MARK2: variants seen among roughly 807,000 people sequenced by gnomAD.
MARK2 encodes the protein microtubule affinity regulating kinase 2, also known as serine/threonine-protein kinase MARK2.
MARK2 carries 16 observed loss-of-function variants against 89.8 expected under a neutral mutation model. The ratio of observed to expected loss-of-function variants is 0.18; its 90% confidence interval spans 0.12 to 0.27. The LOEUF (loss-of-function observed/expected upper bound fraction) is 0.27, where lower values mean the gene tolerates loss of function less well. Ranked by LOEUF, MARK2 falls within the 10% of genes least tolerant of loss-of-function variation. The probability of loss-of-function intolerance (pLI) is 1.00; values close to 1 mark genes in which losing one functional copy is unlikely to be tolerated. For synonymous variants in MARK2, 382 were observed against 399.5 expected (o/e 0.96, Z 0.52); for missense variants, 621 against 1,049.9 (o/e 0.59, Z 5.65).
chr11:63,867,989 G>T (rs1413909350), intron 1 of MARK2, among the ~76,000 whole-genome samples: 2 of 152,190 alleles, frequency 1.3e-5, no homozygotes, highest in African/African-American at 4.8e-5. Flanking sequence ...TTGAAGGCTG[G>T]ACTGTATCTT....
intron 1 of MARK2, among the ~76,000 whole-genome samples, chr11:63,855,279 G>T (rs1424545766): frequency 6.6e-6 from 1 of 152,190 alleles, no homozygotes; most frequent in Non-Finnish European, 1.5e-5. Context: ...AGCACTTTGG[G>T]AAGCTGAGGA....
chr11:63,882,359 G>A (rs952380349), intron 1 of MARK2, among the ~76,000 whole-genome samples: 6 of 151,948 alleles, frequency 3.9e-5, no homozygotes, highest in South Asian at 2.1e-4. Context: ...CGAGCTGGGC[G>A]GATCACCTGA....
intron 1 of MARK2, among the ~76,000 whole-genome samples, chr11:63,878,951 T>G (rs1938935310): frequency 6.6e-6 from 1 of 152,140 alleles, no homozygotes; most frequent in Admixed American, 6.5e-5. Flanking sequence ...TTTGGTAACT[T>G]GGGGATTTCT....
intron 1 of MARK2, among the ~76,000 whole-genome samples, chr11:63,885,720 G>A (rs1253787746): frequency 6.6e-6 from 1 of 152,072 alleles, no homozygotes; most frequent in Non-Finnish European, 1.5e-5. Context: ...TGTAATCCCA[G>A]CTATTTGGGA....
chr11:63,861,356 C>T (rs1937766970), intron 1 of MARK2, among the ~76,000 whole-genome samples: 1 of 152,066 alleles, frequency 6.6e-6, no homozygotes, highest in Non-Finnish European at 1.5e-5. Context: ...AATTGCTTGA[C>T]CCCGGGAGGT....
intron 1 of MARK2, among the ~76,000 whole-genome samples, chr11:63,890,957 A>G (rs558429898): frequency 6.6e-6 from 1 of 152,134 alleles, no homozygotes; most frequent in Non-Finnish European, 1.5e-5. Flanking sequence ...GTCTGGCAGT[A>G]TTGGCCACTG....
At chr11:63,868,827 C>T (rs1938283381) in intron 1 of MARK2, 1 of 456,042 alleles carries the variant, frequency 2.2e-6, no homozygotes, top group Non-Finnish European at 4.4e-6. Context: ...TGTCAGAAGG[C>T]TGGAGTTATT....
intron 3 of MARK2, among the ~76,000 whole-genome samples, chr11:63,897,344 C>T (rs1940497130): frequency 6.6e-6 from 1 of 152,238 alleles, no homozygotes; most frequent in Admixed American, 6.5e-5. Context: ...GTAAGGTCAG[C>T]ATTGGGTTCC....
rs1012419332 is a variant in MARK2 at position 63,909,499 on chromosome 11, T to TG, written c.*269dup. ...GGAGGCAAAGGAAGGGGAGGGTGGA[T>TG]GGGGGGGCAGGGCTCCCCCTCGGTA... On this transcript the variant is annotated 3_prime_UTR_variant, in exon 19 of 19. Transcript: ENST00000402010. 6.0e-5 allele frequency: 22 copies of TG among 364,970 alleles called. No homozygotes were observed. The highest frequency in any genetic ancestry group is 8.5e-5 in the African/African-American group (4 of 47,012). 22.6% of individuals were successfully genotyped at this position (364,970 alleles called of 1,614,324 possible).
At chr11:63,866,310 C>G (rs1237619757) in intron 1 of MARK2, among the ~76,000 whole-genome samples, 1 of 150,526 alleles carries the variant, frequency 6.6e-6, no homozygotes, top group African/African-American at 2.5e-5. Flanking sequence ...AGAGATTGTG[C>G]CACTTTACTC....
At chr11:63,867,839 C>T (rs750095960) in intron 1 of MARK2, among the ~76,000 whole-genome samples, 2 of 152,126 alleles carry the variant, frequency 1.3e-5, no homozygotes, top group Non-Finnish European at 2.9e-5. Context: ...CTCTCTTAGC[C>T]CACTGTTCCT....
chr11:63,842,541 A>G (rs1410161232), intron 1 of MARK2, among the ~76,000 whole-genome samples: 1 of 152,146 alleles, frequency 6.6e-6, no homozygotes, highest in East Asian at 1.9e-4. Flanking sequence ...AAAAAAGACA[A>G]GCAGCAGCTC....
In MARK2 at chr11:63,903,843, T is replaced by C. The variant is rs563528279; in HGVS notation, c.1515-143T>C. The C allele has an allele frequency of 2.5e-4, 155 of 619,056 alleles. 1 individual carries two copies. In the South Asian group the frequency reaches 3.3e-3, roughly 13 times the overall value. 38.3% of individuals were successfully genotyped at this position (619,056 alleles called of 1,614,324 possible). On this transcript the variant is annotated intron_variant, in intron 14 of 18. Transcript: ENST00000402010. The surrounding 1 kb of genome is among the most constrained non-coding windows in gnomAD (Gnocchi z 5.1). ...AGCCCCGCATTCCTCAGTTCTGACT[T>C]GCATCCCGCTGCTGCCCAGGCCTGA...
At chr11:63,840,353 C>T (rs1416663680) in intron 1 of MARK2, among the ~76,000 whole-genome samples, 1 of 152,166 alleles carries the variant, frequency 6.6e-6, no homozygotes, top group Non-Finnish European at 1.5e-5. Flanking sequence ...CCCTCTTGTT[C>T]TCTTCCCCTC....
chr11:63,884,391 C>T (rs898539803), intron 1 of MARK2, among the ~76,000 whole-genome samples: 22 of 152,012 alleles, frequency 1.4e-4, no homozygotes, highest in African/African-American at 5.3e-4. Context: ...CCTCTTATGC[C>T]ATGTCAGGTT....
At chr11:63,894,141 C>G (rs773138634) in intron 1 of MARK2, among the ~76,000 whole-genome samples, 12 of 152,208 alleles carry the variant, frequency 7.9e-5, no homozygotes. Context: ...TTTCATTGTA[C>G]AAGTATTCAT....
intron 1 of MARK2, among the ~76,000 whole-genome samples, chr11:63,892,543 A>C (rs1027325153): frequency 6.6e-6 from 1 of 151,344 alleles, no homozygotes; most frequent in Admixed American, 6.6e-5. Flanking sequence ...TTTCACTCAC[A>C]CTCCTCTGGT....
chr11:63,898,847 C>T lies in MARK2; in HGVS notation c.474+14C>T, dbSNP rs1565138097. On this transcript the variant is annotated intron_variant, in intron 6 of 18. Coordinates refer to ENST00000402010, the MANE Select transcript of MARK2 (RefSeq NM_001039469.3). ...AAATTCCGCCAGGTAGGTGTGACTC[C>T]CTCCATAGGAGCTAGGCCTGACCTC... 1 of 1,611,362 alleles carries T rather than the reference C, an allele frequency of 6.2e-7. No individual in the cohort carries two copies.
intron 1 of MARK2, among the ~76,000 whole-genome samples, chr11:63,839,816 C>G (rs944907770): frequency 5.9e-5 from 9 of 152,176 alleles, no homozygotes; most frequent in Admixed American, 2.6e-4. Context: ...CTGCGCTCTT[C>G]CGTGTCACCT....
Sources: gnomAD v4.1 joint callset for allele counts (sites outside exome capture counted in the v4.1 genomes callset) on GRCh38, gnomAD v4.1.1 for gene constraint, Gnocchi (gnomAD v3.1) non-coding constraint, MANE v1.5 for transcripts, NCBI Gene and HGNC (gene_info 2026-07-23, HGNC 2026-07-21) for gene names.